The following PLPP1 variants were observed in gnomAD, a reference collection of about 807,000 sequenced individuals.
PLPP1 encodes the protein lipid phosphate phosphohydrolase 1a.
Under a neutral mutation model 31.2 loss-of-function variants are expected in PLPP1, and 24 were observed. The ratio of observed to expected loss-of-function variants is 0.77; its 90% CI spans 0.56 to 1.08. The LOEUF is 1.08. Among genes scored for constraint, PLPP1 ranks in the 50% least tolerant of loss-of-function variants. The pLI is 0.00. For synonymous variants in PLPP1, 146 were observed against 126.3 expected (o/e 1.16, Z -1.05); for missense variants, 319 against 342.7 (o/e 0.93, Z 0.55).
intron 1 of PLPP1, among the ~76,000 whole-genome samples, chr5:55,495,013 C>G (rs1021363644): frequency 2.0e-5 from 3 of 148,846 alleles, no homozygotes; most frequent in African/African-American, 4.9e-5. Context: ...CACCCAAAAT[C>G]CCAGCTACTC....
At chr5:55,491,687 G>A (rs905893714) in intron 1 of PLPP1, among the ~76,000 whole-genome samples, 5 of 151,652 alleles carry the variant, frequency 3.3e-5, no homozygotes, top group East Asian at 1.9e-4. Context: ...ATGAAACCCC[G>A]TCTCTACTAA....
At chr5:55,465,471 A>G (rs182994548) in intron 3 of PLPP1, among the ~76,000 whole-genome samples, 2 of 152,324 alleles carry the variant, frequency 1.3e-5, no homozygotes, top group East Asian at 3.9e-4. Flanking sequence ...GGGGCGTCCA[A>G]TCTTTTGGCT....
chr5:55,433,006 G>A (rs1340584062), intron 4 of PLPP1, among the ~76,000 whole-genome samples: 1 of 151,878 alleles, frequency 6.6e-6, no homozygotes, highest in African/African-American at 2.4e-5. Context: ...TGAGCAATGA[G>A]GCAAGAGAAA....
chr5:55,430,241 G>T (rs574415428), intron 4 of PLPP1, among the ~76,000 whole-genome samples: 2 of 152,152 alleles, frequency 1.3e-5, no homozygotes, highest in African/African-American at 4.8e-5. Context: ...CCTTCCCACC[G>T]TGCTACTGCT....
At chr5:55,520,516 T>C (rs148618698) in intron 1 of PLPP1, among the ~76,000 whole-genome samples, 14 of 152,342 alleles carry the variant, frequency 9.2e-5, no homozygotes, top group African/African-American at 3.1e-4. Flanking sequence ...TTCACATACA[T>C]TGTCTCATGC....
At chr5:55,519,290 A>C (rs1753614734) in intron 1 of PLPP1, among the ~76,000 whole-genome samples, 1 of 152,208 alleles carries the variant, frequency 6.6e-6, no homozygotes, top group Non-Finnish European at 1.5e-5. Flanking sequence ...CTAGGCAGAG[A>C]CAACAGTTGA....
At chr5:55,501,627 C>T (rs1181778351) in intron 1 of PLPP1, among the ~76,000 whole-genome samples, 1 of 152,134 alleles carries the variant, frequency 6.6e-6, no homozygotes, top group East Asian at 1.9e-4. Flanking sequence ...GCCTCAGCCT[C>T]CTGAGGAGCT....
rs143463799 is a variant in PLPP1 at position 55,516,574 on chromosome 5, G to A, written c.58+17998C>T. Among the ~76,000 whole-genome samples the A allele has an allele frequency of 8.4e-3, 1,280 of 152,280 alleles. 18 individuals are homozygous for A. Among genetic ancestry groups the A allele is most frequent in the African/African-American group, 0.03 (1,233 of 41,542 alleles). On this transcript the variant is annotated intron_variant, in intron 1 of 5. Transcript: ENST00000307259. ...CTATGTAACGGTGACTGGGCCACAT[G>A]CCAAGGAGAACATACAGATTAAGAC...
chr5:55,459,232 G>GA (rs943587902), intron 3 of PLPP1, among the ~76,000 whole-genome samples: 141 of 135,910 alleles, frequency 1.0e-3, no homozygotes, highest in East Asian at 6.1e-3. Context: ...CAATACAGCA[G>GA]AAAAAAAAAA....
At chr5:55,524,274 T>A (rs1753734219) in intron 1 of PLPP1, among the ~76,000 whole-genome samples, 1 of 151,916 alleles carries the variant, frequency 6.6e-6, no homozygotes, top group Non-Finnish European at 1.5e-5. Context: ...TAAAAAAAAA[T>A]TGCAAAAAAA....
At chr5:55,505,961 G>A (rs1290809171) in intron 1 of PLPP1, among the ~76,000 whole-genome samples, 1 of 152,212 alleles carries the variant, frequency 6.6e-6, no homozygotes, top group Non-Finnish European at 1.5e-5. Context: ...GGAAGCTGAG[G>A]CAGGAGAATC....
At chr5:55,489,932 A>T (rs925228600) in intron 1 of PLPP1, among the ~76,000 whole-genome samples, 4 of 152,166 alleles carry the variant, frequency 2.6e-5, no homozygotes. Context: ...TCTATTTCCA[A>T]GTCACATAAA....
intron 4 of PLPP1, among the ~76,000 whole-genome samples, chr5:55,435,713 ACAT>A (rs1751475620): frequency 6.6e-6 from 1 of 152,144 alleles, no homozygotes; most frequent in Non-Finnish European, 1.5e-5. Flanking sequence ...AAACAAAGAT[ACAT>A]CATATTCTTC....
intron 1 of PLPP1, among the ~76,000 whole-genome samples, chr5:55,494,998 G>A (rs554066731): frequency 6.6e-6 from 1 of 151,340 alleles, no homozygotes; most frequent in South Asian, 2.1e-4. Context: ...GGGCATGGTG[G>A]CGGGCACCCA....
Position 55,425,303 on chromosome 5 carries a change from C to A in PLPP1, c.758G>T (p.Arg253Ile). Residue 253 changes from arginine (R) to isoleucine (I), a missense_variant, in exon 6 of 6, where the codon AGA (arginine) becomes ATA (isoleucine). Physicochemically the swap from Arg to Ile is moderately conservative, Grantham distance 97. Transcript: ENST00000307259. ...AVYVSDFFKERTSFKERKEED... is the reference protein window; with the variant it reads ...AVYVSDFFKEITSFKERKEED... ...CTCTTTTCTTTCTTTAAAAGAAGTT[C>A]TTTCTTTGAAGAAATCCGATACATA... The A allele has an allele frequency of 6.2e-7, 1 of 1,607,652 alleles. No homozygotes were observed. Among genetic ancestry groups the A allele is most frequent in the Non-Finnish European group, 8.5e-7 (1 of 1,174,642 alleles).
Position 55,483,780 on chromosome 5 carries a change from T to C in PLPP1, c.59-8330A>G, listed in dbSNP as rs1000919665. Among the ~76,000 whole-genome samples the C allele has an allele frequency of 4.0e-5, 6 of 151,742 alleles. No individual in the cohort carries two copies. The East Asian group carries it at 9.6e-4, about 24-fold the overall frequency. ...TTTACAAAAATCTCCAACCAAAAAC[T>C]ATAACAATCCACATCCCAGAGTAAA... On this transcript the variant is annotated intron_variant, in intron 1 of 5. Transcript: ENST00000307259.
intron 3 of PLPP1, among the ~76,000 whole-genome samples, chr5:55,460,107 G>C (rs1055201066): frequency 1.4e-4 from 22 of 152,134 alleles, no homozygotes; most frequent in Admixed American, 1.4e-3. Flanking sequence ...TTATGGGGGA[G>C]TCAAAAGTTA....
chr5:55,455,771 G>T (rs1419351711), intron 3 of PLPP1, among the ~76,000 whole-genome samples: 1 of 152,196 alleles, frequency 6.6e-6, no homozygotes, highest in Non-Finnish European at 1.5e-5. Context: ...TTCTCAAGCT[G>T]TGGTGCCAAG....
chr5:55,488,671 A>C (rs1410472635), intron 1 of PLPP1, among the ~76,000 whole-genome samples: 1 of 152,120 alleles, frequency 6.6e-6, no homozygotes, highest in Non-Finnish European at 1.5e-5. Context: ...AAAAACAAAC[A>C]AACAACAACA....
Sources: allele counts gnomAD v4.1 joint callset (sites outside exome capture counted in the v4.1 genomes callset), GRCh38; gene constraint gnomAD v4.1.1; transcripts MANE v1.5; gene names NCBI Gene and HGNC (gene_info 2026-07-23, HGNC 2026-07-21).